Variants in FMN1 observed in about 807,000 individuals in gnomAD.
FMN1 encodes the protein formin 1, also known as formin-1.
Under a neutral mutation model 132.4 loss-of-function variants are expected in FMN1, and 110 were observed. The observed-to-expected ratio is 0.83, with a 90% CI of 0.71 to 0.97. The LOEUF (loss-of-function observed/expected upper bound fraction) is 0.97. FMN1 is among the 50% of genes least tolerant of loss of function. FMN1 has a pLI of 0.00. For synonymous variants in FMN1, 722 were observed against 651.7 expected (o/e 1.11, Z -1.64); for missense variants, 1,792 against 1,705.3 (o/e 1.05, Z -0.90).
chr15:32,822,841 G>T (rs778387254), intron 17 of FMN1, among the ~76,000 whole-genome samples: 1 of 152,116 alleles, frequency 6.6e-6, no homozygotes, highest in Non-Finnish European at 1.5e-5. Context: ...AAACACACAT[G>T]TTCTGAATAT....
At chr15:33,159,577 A>C (rs987447819) in intron 3 of FMN1, among the ~76,000 whole-genome samples, 4 of 152,340 alleles carry the variant, frequency 2.6e-5, no homozygotes, top group East Asian at 1.9e-4. Context: ...CAGAAAAAAA[A>C]CACCAATATA....
chr15:33,047,961 C>T (rs571170775), intron 6 of FMN1, among the ~76,000 whole-genome samples: 66 of 151,858 alleles, frequency 4.3e-4, no homozygotes, highest in African/African-American at 1.3e-3. Flanking sequence ...TATATGTGCG[C>T]GTGTGTAATC....
chr15:33,043,216 C>A (rs1369617270), intron 6 of FMN1, among the ~76,000 whole-genome samples: 3 of 152,212 alleles, frequency 2.0e-5, no homozygotes, highest in Non-Finnish European at 4.4e-5. Context: ...ACTGTTAAAT[C>A]AACTTTAGCC....
chr15:32,972,348 C>A (rs1173691091), intron 7 of FMN1, among the ~76,000 whole-genome samples: 1 of 152,132 alleles, frequency 6.6e-6, no homozygotes, highest in Non-Finnish European at 1.5e-5. Context: ...ACTTTCCAAC[C>A]CTACCTCTTT....
At chr15:32,918,906 C>T (rs1474574089) in intron 10 of FMN1, among the ~76,000 whole-genome samples, 4 of 152,006 alleles carry the variant, frequency 2.6e-5, no homozygotes, top group Non-Finnish European at 4.4e-5. Context: ...GTGGGAGCCC[C>T]GCTGCTTAGG....
intron 10 of FMN1, among the ~76,000 whole-genome samples, chr15:32,917,054 G>C (rs2060701807): frequency 6.6e-6 from 1 of 152,162 alleles, no homozygotes; most frequent in Non-Finnish European, 1.5e-5. Context: ...GAAAGGGAAG[G>C]CAGAAACATC....
intron 3 of FMN1, among the ~76,000 whole-genome samples, chr15:33,176,798 T>C (rs1965530674): frequency 6.6e-6 from 1 of 152,228 alleles, no homozygotes; most frequent in Admixed American, 6.5e-5. Flanking sequence ...AATGATAGGT[T>C]GTGAAGTCAA....
intron 4 of FMN1, chr15:33,150,898 A>C: frequency 9.9e-7 from 1 of 1,011,436 alleles, no homozygotes. Context: ...GTGTGATGGT[A>C]AATGAATTAT....
chr15:33,019,012 C>G (rs956787267), intron 6 of FMN1, among the ~76,000 whole-genome samples: 15 of 152,166 alleles, frequency 9.9e-5, no homozygotes, highest in African/African-American at 3.6e-4. Flanking sequence ...AGTTAAAGAA[C>G]AAAGCTTCCA....
At chr15:32,988,799 G>A (rs2033248573) in intron 7 of FMN1, among the ~76,000 whole-genome samples, 1 of 151,954 alleles carries the variant, frequency 6.6e-6, no homozygotes, top group African/African-American at 2.4e-5. Flanking sequence ...GAACCATTAA[G>A]CTAGATTCTA....
chr15:33,034,994 T>C (rs2036121830), intron 6 of FMN1, among the ~76,000 whole-genome samples: 1 of 152,240 alleles, frequency 6.6e-6, no homozygotes, highest in South Asian at 2.1e-4. Flanking sequence ...GTTTGCACCA[T>C]GGATTCCTTT....
At chr15:32,894,638 T>G (rs2060110969) in intron 15 of FMN1, among the ~76,000 whole-genome samples, 1 of 152,152 alleles carries the variant, frequency 6.6e-6, no homozygotes, top group South Asian at 2.1e-4. Flanking sequence ...TTCAAAGCCT[T>G]CCTTCAAAGA....
chr15:32,998,058 C>T (rs1428840599), intron 7 of FMN1, among the ~76,000 whole-genome samples: 2 of 152,142 alleles, frequency 1.3e-5, no homozygotes, highest in Non-Finnish European at 2.9e-5. Context: ...AGGAGACTGG[C>T]TATAAGATGA....
chr15:32,946,434 C>A (rs945922223), intron 9 of FMN1, among the ~76,000 whole-genome samples: 1 of 152,134 alleles, frequency 6.6e-6, no homozygotes, highest in Non-Finnish European at 1.5e-5. Context: ...CCCAGAGATG[C>A]CTAGATGCCT....
At chr15:32,814,316 GATA>G (rs1172853986) in intron 17 of FMN1, among the ~76,000 whole-genome samples, 1 of 152,036 alleles carries the variant, frequency 6.6e-6, no homozygotes, top group Non-Finnish European at 1.5e-5. Context: ...TCACTTAAGG[GATA>G]ATTATACATA....
intron 16 of FMN1, among the ~76,000 whole-genome samples, chr15:32,862,034 C>G (rs1055543429): frequency 1.3e-5 from 2 of 152,128 alleles, no homozygotes; most frequent in African/African-American, 4.8e-5. Flanking sequence ...GGCTGCCCTC[C>G]GACGGTCCCC....
chr15:33,187,921 G>C (rs1349020423), intron 2 of FMN1, among the ~76,000 whole-genome samples: 1 of 152,204 alleles, frequency 6.6e-6, no homozygotes, highest in Non-Finnish European at 1.5e-5. Context: ...AAAATGACAG[G>C]AGTAAAATGA....
At chr15:33,075,137 C>G (rs2038157713) in intron 5 of FMN1, among the ~76,000 whole-genome samples, 1 of 151,370 alleles carries the variant, frequency 6.6e-6, no homozygotes, top group African/African-American at 2.4e-5. Flanking sequence ...CCCTGTGCTG[C>G]AGCTCCCTCA....
intron 4 of FMN1, among the ~76,000 whole-genome samples, chr15:33,123,763 G>A (rs1470399508): frequency 6.6e-6 from 1 of 152,216 alleles, no homozygotes; most frequent in South Asian, 2.1e-4. Flanking sequence ...GCTCCACTAC[G>A]TAAAGTTTCT....
Sources: gnomAD v4.1 joint callset for allele counts (sites outside exome capture counted in the v4.1 genomes callset) on GRCh38, gnomAD v4.1.1 for gene constraint, MANE v1.5 for transcripts, NCBI Gene and HGNC (gene_info 2026-07-23, HGNC 2026-07-21) for gene names.